The following LRP1B variants were observed in gnomAD, a reference collection of about 807,000 sequenced individuals.
The protein encoded by LRP1B is low-density lipoprotein receptor-related protein 1B.
LRP1B carries 217 observed loss-of-function variants against 556.6 expected under a neutral mutation model. That is an observed-to-expected ratio of 0.39 (90% CI 0.35 to 0.44). LRP1B has a LOEUF of 0.44. Ranked by LOEUF, LRP1B falls within the 20% of genes least tolerant of loss-of-function variation. The pLI is 1.00. For synonymous variants in LRP1B, 2,047 were observed against 1,865.8 expected, an observed-to-expected ratio of 1.10 and a Z score of -2.50; for missense variants, 5,053 against 5,620.8, an observed-to-expected ratio of 0.90 and a Z score of 3.23.
intron 53 of LRP1B, among the ~76,000 whole-genome samples, chr2:140,505,358 C>CA (rs139169199): frequency 0.041 from 6,301 of 152,210 alleles, 163 homozygotes; most frequent in Non-Finnish European, 0.047. Context: ...TTAACCACCA[C>CA]ACACCACGCT....
chr2:140,948,844 G>A (rs1338093026), intron 20 of LRP1B, among the ~76,000 whole-genome samples: 1 of 152,124 alleles, frequency 6.6e-6, no homozygotes, highest in Non-Finnish European at 1.5e-5. Flanking sequence ...CACACAATAT[G>A]TATTTTAATA....
intron 3 of LRP1B, among the ~76,000 whole-genome samples, chr2:141,329,402 A>AAAAG (rs1553496935): frequency 1.4e-5 from 2 of 145,404 alleles, no homozygotes; most frequent in South Asian, 4.5e-4. Context: ...AAAAAAAAAA[A>AAAAG]GGGAGGCCGA....
At position 140,601,530 on chromosome 2, in the gene LRP1B, A is replaced by C. The variant is rs768266260; in HGVS notation, c.6909T>G (p.Pro2303=). 2 of 1,613,290 alleles carry C rather than the reference A, an allele frequency of 1.2e-6. No homozygotes were observed. The highest frequency in any genetic ancestry group is 1.7e-6 in the Non-Finnish European group (2 of 1,179,506). The change falls in exon 42 of 91, where the codon CCT becomes CCG. Residue 2303 remains proline, a synonymous_variant. Transcript: ENST00000389484. ...TGACAGCTTCCCTGTCAAATGCTCC[A>C]GGCCGAGTCTGGTCCACAGTGTGTC... is the stretch of plus-strand genomic sequence containing the variant. The part of the protein sequence containing the change: ...ITRHTVDQTR[P]GAFDREAVIT...
chr2:141,272,339 A>C (rs954214393), intron 3 of LRP1B, among the ~76,000 whole-genome samples: 2 of 152,166 alleles, frequency 1.3e-5, no homozygotes, highest in African/African-American at 2.4e-5. Context: ...ATAAACTATT[A>C]AAATAATTGA....
At chr2:141,483,569 G>A (rs1340919384) in intron 2 of LRP1B, among the ~76,000 whole-genome samples, 54 of 150,566 alleles carry the variant, frequency 3.6e-4, no homozygotes, top group African/African-American at 1.1e-3. Flanking sequence ...ACTACTTTAC[G>A]GTCCCACCAA....
chr2:141,236,737 G>C (rs149321393), intron 5 of LRP1B, among the ~76,000 whole-genome samples: 4 of 152,236 alleles, frequency 2.6e-5, no homozygotes, highest in African/African-American at 7.2e-5. Context: ...TTGGAAAGGA[G>C]TTAAGAGAAT....
At chr2:141,015,258 T>C (rs1452526859) in intron 13 of LRP1B, among the ~76,000 whole-genome samples, 2 of 152,080 alleles carry the variant, frequency 1.3e-5, no homozygotes, top group Non-Finnish European at 2.9e-5. Context: ...GTTCAGCTCA[T>C]TCCTACTATG....
chr2:141,140,502 A>G (rs1014493628), intron 7 of LRP1B, among the ~76,000 whole-genome samples: 11 of 152,128 alleles, frequency 7.2e-5, no homozygotes, highest in African/African-American at 2.4e-4. Flanking sequence ...TATAGAAGTA[A>G]TTAGGGTTAA....
chr2:140,772,730 C>T (rs1180321016), intron 33 of LRP1B, among the ~76,000 whole-genome samples: 1 of 151,980 alleles, frequency 6.6e-6, no homozygotes, highest in Non-Finnish European at 1.5e-5. Context: ...TTTCAACTAC[C>T]AAGACTGAAA....
chr2:140,483,640 A>ATATATATATATATAT (rs1491228405), intron 59 of LRP1B, among the ~76,000 whole-genome samples: 35 of 70,734 alleles, frequency 4.9e-4, no homozygotes, highest in African/African-American at 7.0e-4. Context: ...ATATATATAT[A>ATATATATATATATAT]TTTTTTTTTT....
chr2:140,833,151 C>G (rs1031016669), intron 31 of LRP1B, among the ~76,000 whole-genome samples: 1 of 152,048 alleles, frequency 6.6e-6, no homozygotes, highest in Non-Finnish European at 1.5e-5. Context: ...CTTCAGTAAT[C>G]CTGTGACCTT....
chr2:141,334,712 A>G (rs2714195), intron 3 of LRP1B, among the ~76,000 whole-genome samples: 88,219 of 151,904 alleles, frequency 0.58, 26,551 homozygotes, highest in African/African-American at 0.68. Flanking sequence ...CCACTATGCC[A>G]GGCTAATTTT....
At chr2:141,824,019 A>G (rs1478712940) in intron 1 of LRP1B, among the ~76,000 whole-genome samples, 1 of 152,182 alleles carries the variant, frequency 6.6e-6, no homozygotes, top group Non-Finnish European at 1.5e-5. Context: ...GTTAGAAATT[A>G]GTTTAGAAAT....
intron 86 of LRP1B, among the ~76,000 whole-genome samples, chr2:140,251,035 C>T (rs1334677845): frequency 6.6e-6 from 1 of 151,682 alleles, no homozygotes. Flanking sequence ...GCATGAAACA[C>T]ATGGTGAGTT....
At chr2:141,629,492 C>A (rs1251879456) in intron 2 of LRP1B, among the ~76,000 whole-genome samples, 4 of 152,164 alleles carry the variant, frequency 2.6e-5, no homozygotes, top group Non-Finnish European at 5.9e-5. Context: ...TTGCACAAAT[C>A]TACCACCACA....
At position 141,726,319 on chromosome 2, in the gene LRP1B, T is replaced by TA. The variant is rs892058599; in HGVS notation, c.205+83959dup. 3.8e-3 allele frequency among the ~76,000 whole-genome samples: 581 copies of TA among 150,970 alleles called. 1 individual carries two copies. The highest frequency in any genetic ancestry group is 6.1e-3 in the Non-Finnish European group (411 of 67,538). ...ATAATCTCTGGGTAAGAGGTAATTT[T>TA]AAAAAAAAATTATTTTGATTTTCCA... is the stretch of plus-strand genomic sequence containing the variant. On this transcript the variant is annotated intron_variant, in intron 2 of 90. Coordinates refer to ENST00000389484, the MANE Select transcript of LRP1B (RefSeq NM_018557.3).
intron 17 of LRP1B, among the ~76,000 whole-genome samples, chr2:140,987,091 T>C (rs1194834857): frequency 6.6e-6 from 1 of 152,178 alleles, no homozygotes. Context: ...GTGACCTATT[T>C]ATATATTTTG....
chr2:141,330,350 G>T (rs1687593778), intron 3 of LRP1B, among the ~76,000 whole-genome samples: 1 of 95,924 alleles, frequency 1.0e-5, no homozygotes, highest in Admixed American at 8.5e-5. Flanking sequence ...GATCTCACAT[G>T]TTAACAACTC....
chr2:141,879,320 C>T (rs569278680), intron 1 of LRP1B, among the ~76,000 whole-genome samples: 2 of 151,448 alleles, frequency 1.3e-5, no homozygotes, highest in South Asian at 2.1e-4. Context: ...CAATGTCATA[C>T]GAGGGATAAG....
Sources: allele counts gnomAD v4.1 joint callset (sites outside exome capture counted in the v4.1 genomes callset), GRCh38; gene constraint gnomAD v4.1.1; transcripts MANE v1.5; gene names NCBI Gene and HGNC (gene_info 2026-07-23, HGNC 2026-07-21).